DIP2A: variants seen among roughly 807,000 people sequenced by gnomAD.
DIP2A encodes the protein disco-interacting protein 2 homolog A.
A neutral mutation model predicts 177.4 loss-of-function variants in DIP2A; 85 were observed. That is an observed-to-expected ratio of 0.48 (90% confidence interval 0.40 to 0.57). The LOEUF is 0.57. Ranked by LOEUF, DIP2A falls within the 20% of genes least tolerant of loss-of-function variation. DIP2A has a pLI of 0.00. For missense variants in DIP2A, 1,791 were observed against 2,100.2 expected, an observed-to-expected ratio of 0.85 and a Z score of 2.88; for synonymous variants, 886 against 881.8, an observed-to-expected ratio of 1.00 and a Z score of -0.08.
rs1423819489 is a variant in DIP2A, at chr21:46,538,512, A to G, written c.1831A>G (p.Met611Val). The G allele has an allele frequency of 1.7e-5, 27 of 1,555,330 alleles. No homozygotes were observed. Among genetic ancestry groups the G allele is most frequent in the East Asian group, 7.2e-5 (3 of 41,438 alleles). The change falls in exon 16 of 38, where the codon ATG (methionine) becomes GTG (valine). Residue 611 changes from methionine to valine, a missense_variant. Physicochemically the swap from Met to Val is conservative, Grantham distance 21. Coordinates refer to ENST00000417564, the MANE Select transcript of DIP2A (RefSeq NM_015151.4). ...ARAALVKSRD[M>V]HWSLLAQRGQ... Reference sequence around the variant, plus strand: ...GGCCGCGCTGGTGAAGTCGCGAGACATGCACTGGTCTCTCCTAGCTCAGCG... The same window carrying G: ...GGCCGCGCTGGTGAAGTCGCGAGACGTGCACTGGTCTCTCCTAGCTCAGCG...
At chr21:46,512,800 TA>T (rs1178536603) in intron 8 of DIP2A, among the ~76,000 whole-genome samples, 55 of 125,588 alleles carry the variant, frequency 4.4e-4, no homozygotes, top group African/African-American at 4.7e-4. Context: ...CCAGCTAATT[TA>T]AAAAAAAAAA....
intron 1 of DIP2A, among the ~76,000 whole-genome samples, chr21:46,481,919 C>T (rs8129305): frequency 0.37 from 55,573 of 151,794 alleles, 10,599 homozygotes; most frequent in Middle Eastern, 0.46. Flanking sequence ...GGCGTGGTGG[C>T]GCATGCCTGT....
chr21:46,539,860 C>A lies in DIP2A; in HGVS notation c.1922-17C>A. On this transcript the variant is annotated splice_polypyrimidine_tract_variant and intron_variant, in intron 16 of 37. Transcript: ENST00000417564. ...CCCCAGTTAGTGCTGGCGTTCCACT[C>A]TTGTTGCTCTGTGCAGGGTCGATCT... 3 of 1,604,534 alleles carry A rather than the reference C, an allele frequency of 1.9e-6. No individual in the cohort carries two copies. The highest frequency in any genetic ancestry group is 2.6e-6 in the Non-Finnish European group (3 of 1,171,330).
rs1317303179 is a variant in DIP2A at position 46,568,741 on chromosome 21, A to C, written c.*1119A>C. 1 of 152,198 alleles carries C rather than the reference A, an allele frequency of 6.6e-6. No homozygotes were observed. Among genetic ancestry groups the C allele is most frequent in the Admixed American group, 6.5e-5 (1 of 15,280 alleles). 9.4% of individuals were successfully genotyped at this position (152,198 alleles called of 1,614,324 possible). On this transcript the variant is annotated 3_prime_UTR_variant, in exon 38 of 38. Transcript: ENST00000417564. ...TCTTCTCGTGGAAGTGTACTGATTT[A>C]TTATTTTTATTCCAAGTCAGCAGAT...
In DIP2A at chr21:46,557,514, AG is replaced by A; in HGVS notation, c.3630-69del. 6.6e-7 allele frequency: 1 copy of A among 1,505,598 alleles called. No homozygotes were observed. The highest frequency in any genetic ancestry group is 1.2e-5 in the South Asian group (1 of 80,180). 93.3% of individuals were successfully genotyped at this position (1,505,598 alleles called of 1,614,324 possible). On this transcript the variant is annotated intron_variant, in intron 30 of 37. Transcript: ENST00000417564. The surrounding 1 kb of genome is among the most constrained non-coding windows in gnomAD (Gnocchi z 6.0). Reference sequence around the variant, plus strand: ...TGTGGCTGGAAAAGAAGTGTTCTTGAGGAAGGGAAGAGTGGAGTGCCCAGGG... The same window carrying A: ...TGTGGCTGGAAAAGAAGTGTTCTTGAGAAGGGAAGAGTGGAGTGCCCAGGG...
chr21:46,476,995 G>A (rs1451699494), intron 1 of DIP2A, among the ~76,000 whole-genome samples: 1 of 152,122 alleles, frequency 6.6e-6, no homozygotes, highest in African/African-American at 2.4e-5. Context: ...ACGTACCCCT[G>A]CTAGGCCGTG....
chr21:46,523,223 G>A (rs2058906534), intron 8 of DIP2A, among the ~76,000 whole-genome samples: 1 of 149,064 alleles, frequency 6.7e-6, no homozygotes. Context: ...CCAATGCCTA[G>A]CTTCTTATTT....
intron 25 of DIP2A, chr21:46,553,891 C>T (rs558092971): frequency 2.1e-4 from 63 of 293,296 alleles, no homozygotes; most frequent in South Asian, 1.2e-3. Context: ...GGACCATGTG[C>T]GGTGGCTTAT....
At chr21:46,478,530 C>T (rs1186490483) in intron 1 of DIP2A, among the ~76,000 whole-genome samples, 1 of 152,152 alleles carries the variant, frequency 6.6e-6, no homozygotes, top group Non-Finnish European at 1.5e-5. Flanking sequence ...AAGAATTACT[C>T]AGGCTGACTC....
rs2054039625 is a variant in DIP2A, at chr21:46,459,149, C to G, written c.18C>G (p.Cys6Trp). Residue 6 changes from cysteine to tryptophan, a missense_variant, in exon 1 of 38, where the codon TGC (cysteine) becomes TGG (tryptophan). Transcript: ENST00000417564. Reference protein sequence around the residue: MADRGCPLEAAPLPAE... With the variant: MADRGWPLEAAPLPAE... ...GCCTGGCCATGGCTGACCGCGGGTGCCCGCTGGAGGCGGCGCCGCTGCCTG... is the reference window on the plus strand; with the variant it reads ...GCCTGGCCATGGCTGACCGCGGGTGGCCGCTGGAGGCGGCGCCGCTGCCTG... 2 of 1,516,464 alleles carry G rather than the reference C, an allele frequency of 1.3e-6. No individual in the cohort carries two copies. Among genetic ancestry groups the G allele is most frequent in the Non-Finnish European group, 1.8e-6 (2 of 1,133,214 alleles). 93.9% of individuals were successfully genotyped at this position (1,516,464 alleles called of 1,614,324 possible). A position where few individuals can be genotyped will look rare whatever the true frequency, so the allele number is the denominator to read the frequency against.
Position 46,538,663 on chromosome 21 carries a change from T to C in DIP2A, c.1921+61T>C. On this transcript the variant is annotated intron_variant, in intron 16 of 37. Coordinates refer to ENST00000417564, the MANE Select transcript of DIP2A (RefSeq NM_015151.4). The stretch of plus-strand genomic sequence containing the variant: ...CAGTGTCCCCTCCTGCAAACCAAAG[T>C]AGAATACACTGAGAAGCAAAATGGA... The C allele has an allele frequency of 3.3e-6, 5 of 1,525,752 alleles. No individual in the cohort carries two copies. In the South Asian group the frequency reaches 4.8e-5, roughly 15 times the overall value. The allele number at this position is 1,525,752 out of a possible 1,614,324, so 94.5% of individuals were successfully genotyped here.
intron 8 of DIP2A, among the ~76,000 whole-genome samples, chr21:46,523,134 AG>A (rs2058902037): frequency 6.6e-6 from 1 of 152,024 alleles, no homozygotes; most frequent in Non-Finnish European, 1.5e-5. Context: ...CATGTTGATC[AG>A]GCTGGTCTCA....
At chr21:46,531,971 CAGTT>C (rs1292333681) in intron 9 of DIP2A, among the ~76,000 whole-genome samples, 152 bp from the exon 10 acceptor site, 1 of 152,216 alleles carries the variant, frequency 6.6e-6, no homozygotes, top group Non-Finnish European at 1.5e-5. Flanking sequence ...TGTCTCTACT[CAGTT>C]AAATACTATT....
chr21:46,527,582 T>A (rs1306322332), intron 8 of DIP2A, among the ~76,000 whole-genome samples: 1 of 152,126 alleles, frequency 6.6e-6, no homozygotes, highest in Non-Finnish European at 1.5e-5. Context: ...CATCTTGGCC[T>A]CCCAAAGTGC....
chr21:46,582,213 G>A, the DIP2A span, among the ~76,000 whole-genome samples: 5 of 152,194 alleles, frequency 3.3e-5, no homozygotes, highest in Admixed American at 1.3e-4. Flanking sequence ...TAAAGCAGCA[G>A]TCTAGCCATG....
At chr21:46,517,414 T>C (rs1338355903) in intron 8 of DIP2A, among the ~76,000 whole-genome samples, 1 of 152,068 alleles carries the variant, frequency 6.6e-6, no homozygotes, top group Admixed American at 6.6e-5. Flanking sequence ...TATAAAAACA[T>C]TATGGCAGGT....
Position 46,511,287 on chromosome 21 carries a change from G to A in DIP2A, c.905-130G>A, listed in dbSNP as rs1031232549. 27 of 1,037,168 alleles carry A rather than the reference G, an allele frequency of 2.6e-5. 1 individual carries two copies. Among genetic ancestry groups the A allele is most frequent in the Admixed American group, 8.7e-5 (3 of 34,674 alleles). The allele number at this position is 1,037,168 out of a possible 1,614,324, so 64.2% of individuals were successfully genotyped here. ...TGTCGGTGACTGTGATGCAAAAATC[G>A]AAACAAATTATTGTAAGCTTTTTTA... On this transcript the variant is annotated intron_variant, in intron 7 of 37. Coordinates refer to ENST00000417564, the MANE Select transcript of DIP2A (RefSeq NM_015151.4).
At chr21:46,505,060 A>G (rs2057901582) in intron 6 of DIP2A, among the ~76,000 whole-genome samples, 1 of 152,214 alleles carries the variant, frequency 6.6e-6, no homozygotes, top group South Asian at 2.1e-4. Context: ...TTCCCAAAAT[A>G]ATAATTTAAA....
rs1246252801 is a variant in DIP2A at position 46,558,364 on chromosome 21, T to C, written c.3940T>C (p.Cys1314Arg). Reference protein sequence around the residue: ...PARAVSTTFGCRVNVAICLQG... With the variant: ...PARAVSTTFGRRVNVAICLQG... ...CCGCGCCGTAAGCACCACGTTCGGG[T>C]GCAGGGTCAACGTGGCCATCTGCCT... is the stretch of plus-strand genomic sequence containing the variant. The change falls in exon 32 of 38, where the codon TGC (cysteine) becomes CGC (arginine). Residue 1314 changes from cysteine to arginine, a missense_variant. Transcript: ENST00000417564. The C allele has an allele frequency of 1.0e-5, 16 of 1,601,232 alleles. No individual in the cohort carries two copies. Among genetic ancestry groups the C allele is most frequent in the Non-Finnish European group, 1.4e-5 (16 of 1,175,262 alleles).
Sources: gnomAD v4.1 joint callset for allele counts (sites outside exome capture counted in the v4.1 genomes callset) on GRCh38, gnomAD v4.1.1 for gene constraint, Gnocchi (gnomAD v3.1) non-coding constraint, MANE v1.5 for transcripts, NCBI Gene and HGNC (gene_info 2026-07-23, HGNC 2026-07-21) for gene names.